FOXP2: variants seen among roughly 807,000 people sequenced by gnomAD.
FOXP2 encodes the protein forkhead box protein P2.
In FOXP2, 12 loss-of-function variants were observed where a neutral mutation model predicts 115.8. The observed-to-expected ratio is 0.10, with a 90% CI of 0.07 to 0.17. FOXP2 has a LOEUF of 0.17. Ranked by LOEUF, FOXP2 falls within the 10% of genes least tolerant of loss-of-function variation. FOXP2 has a pLI of 1.00. For missense variants in FOXP2, 629 were observed against 843.5 expected, an observed-to-expected ratio of 0.75 and a Z score of 3.15; for synonymous variants, 328 against 297.7, an observed-to-expected ratio of 1.10 and a Z score of -1.05.
intron 3 of FOXP2, among the ~76,000 whole-genome samples, chr7:114,596,153 C>G (rs1043202484): frequency 2.0e-5 from 3 of 151,992 alleles, no homozygotes; most frequent in Non-Finnish European, 2.9e-5. Context: ...ACTAAAATAT[C>G]ACATTTTTCT....
At chr7:114,688,212 C>CACAA (rs1287909832) in intron 16 of FOXP2, among the ~76,000 whole-genome samples, 10 of 67,666 alleles carry the variant, frequency 1.5e-4, no homozygotes, top group Non-Finnish European at 4.6e-4. Flanking sequence ...CATGCATACA[C>CACAA]ACACACACAC....
intron 2 of FOXP2, among the ~76,000 whole-genome samples, chr7:114,445,370 C>T (rs1208223105): frequency 1.3e-5 from 2 of 152,080 alleles, no homozygotes; most frequent in Non-Finnish European, 2.9e-5. Context: ...TATGGTGACC[C>T]TTTGCTAAAC....
chr7:114,489,077 T>C (rs1235519353), intron 2 of FOXP2, among the ~76,000 whole-genome samples: 3 of 152,196 alleles, frequency 2.0e-5, no homozygotes, highest in African/African-American at 7.2e-5. Flanking sequence ...TTGGGCACTT[T>C]CTAAGTGATA....
chr7:114,104,075 T>A (rs1478928138), intron 1 of FOXP2, among the ~76,000 whole-genome samples: 1 of 152,034 alleles, frequency 6.6e-6, no homozygotes, highest in Non-Finnish European at 1.5e-5. Context: ...TTCGTAGGTC[T>A]AGGTGGTTGC....
chr7:114,555,714 T>C (rs1800422822), intron 3 of FOXP2, among the ~76,000 whole-genome samples: 1 of 152,110 alleles, frequency 6.6e-6, no homozygotes, highest in African/African-American at 2.4e-5. Flanking sequence ...GGAGAGTCAC[T>C]TGAACCCAGG....
intron 1 of FOXP2, among the ~76,000 whole-genome samples, chr7:114,270,472 T>G (rs1363737130): frequency 6.6e-6 from 1 of 152,192 alleles, no homozygotes; most frequent in Non-Finnish European, 1.5e-5. Flanking sequence ...TCCACATCCT[T>G]GTCAGCATTT....
Position 114,629,975 on chromosome 7 carries a change from G to A in FOXP2, c.567G>A (p.Gln189=), listed in dbSNP as rs562690934. Residue 189 remains glutamine (Q), a synonymous_variant, in exon 5 of 17, where the codon CAG becomes CAA. Transcript: ENST00000350908. ...QQQQQQQQQQ[Q]QQHPGKQAKE... ...AGCAGCAGCAACAGCAGCAGCAGCA[G>A]CAACAGCATCCTGGAAAGCAAGCGA... The A allele has an allele frequency of 2.5e-6, 4 of 1,608,564 alleles. No individual in the cohort carries two copies. The highest frequency in any genetic ancestry group is 2.7e-5 in the African/African-American group (2 of 73,756).
intron 1 of FOXP2, among the ~76,000 whole-genome samples, chr7:114,212,611 C>T (rs1259537693): frequency 2.0e-5 from 3 of 151,290 alleles, no homozygotes; most frequent in African/African-American, 7.3e-5. Flanking sequence ...AAGTGTGTTC[C>T]GATATATTTT....
chr7:114,465,119 A>T (rs1194528441), intron 2 of FOXP2, among the ~76,000 whole-genome samples: 5 of 152,176 alleles, frequency 3.3e-5, no homozygotes, highest in African/African-American at 1.2e-4. Context: ...ATTCCTTTTT[A>T]AAAATTAATT....
intron 1 of FOXP2, among the ~76,000 whole-genome samples, chr7:114,123,726 A>G (rs1049666153): frequency 6.6e-6 from 1 of 152,132 alleles, no homozygotes; most frequent in African/African-American, 2.4e-5. Context: ...TACAAACAAA[A>G]TATTCAGTAT....
At chr7:114,095,935 A>G (rs1454994265) in intron 1 of FOXP2, among the ~76,000 whole-genome samples, 2 of 152,236 alleles carry the variant, frequency 1.3e-5, no homozygotes, top group Admixed American at 6.5e-5. Context: ...GGAAGGGCAC[A>G]GGGGTTTTAT....
At chr7:114,189,995 GA>G (rs1793714238) in intron 1 of FOXP2, among the ~76,000 whole-genome samples, 1 of 152,014 alleles carries the variant, frequency 6.6e-6, no homozygotes, top group African/African-American at 2.4e-5. Context: ...GTAACAAGGG[GA>G]AAAAAGAAGG....
At chr7:114,241,292 C>T (rs1795145162) in intron 1 of FOXP2, among the ~76,000 whole-genome samples, 1 of 151,996 alleles carries the variant, frequency 6.6e-6, no homozygotes, top group East Asian at 1.9e-4. Context: ...TATGCTCATT[C>T]AGTAAGAGTT....
At chr7:114,434,155 T>G (rs1265676632) in intron 2 of FOXP2, among the ~76,000 whole-genome samples, 2 of 151,994 alleles carry the variant, frequency 1.3e-5, no homozygotes, top group Non-Finnish European at 2.9e-5. Context: ...CACTTCAATG[T>G]TATCTAGTAG....
chr7:114,334,264 G>T (rs1316932584), intron 2 of FOXP2, among the ~76,000 whole-genome samples: 2 of 151,850 alleles, frequency 1.3e-5, no homozygotes, highest in African/African-American at 4.8e-5. Flanking sequence ...GGTTAAAACT[G>T]TGTCCATTAG....
chr7:114,435,832 C>T (rs1794319551), intron 2 of FOXP2, among the ~76,000 whole-genome samples: 2 of 152,170 alleles, frequency 1.3e-5, no homozygotes, highest in Non-Finnish European at 2.9e-5. Context: ...AGCCATTGTG[C>T]CCGGCTGTCA....
At chr7:114,295,026 GA>G (rs1437247013) in intron 2 of FOXP2, among the ~76,000 whole-genome samples, 1 of 151,798 alleles carries the variant, frequency 6.6e-6, no homozygotes, top group Admixed American at 6.6e-5. Flanking sequence ...ATTAAAAAAA[GA>G]AAACGATAAC....
At position 114,204,193 on chromosome 7, in the gene FOXP2, C is replaced by T. The variant is rs142832645; in HGVS notation, c.-102+41105C>T. On this transcript the variant is annotated intron_variant, in intron 1 of 17. Transcript: ENST00000634411. ...ATAACCACATTAACAAAATAAAAAG[C>T]GGTGAAACTCATTTCAATGGTACTT... is the stretch of plus-strand genomic sequence containing the variant. Among the ~76,000 whole-genome samples the T allele has an allele frequency of 3.7e-3, 562 of 152,130 alleles. 6 individuals carry two copies. The highest frequency in any genetic ancestry group is 5.2e-3 in the Non-Finnish European group (352 of 67,976).
chr7:114,615,361 C>G (rs1584953976), intron 3 of FOXP2, among the ~76,000 whole-genome samples: 1 of 152,170 alleles, frequency 6.6e-6, no homozygotes, highest in East Asian at 1.9e-4. Flanking sequence ...TCTTCCTCCT[C>G]ATAAATCTAC....
Sources: allele counts gnomAD v4.1 joint callset (sites outside exome capture counted in the v4.1 genomes callset), GRCh38; gene constraint gnomAD v4.1.1; transcripts MANE v1.5; gene names NCBI Gene and HGNC (gene_info 2026-07-23, HGNC 2026-07-21).